The following FKBP5 variants were observed in gnomAD, a reference collection of about 807,000 sequenced individuals.
The protein encoded by FKBP5 is peptidyl-prolyl cis-trans isomerase FKBP5.
A neutral mutation model predicts 50.5 loss-of-function variants in FKBP5; 23 were observed. The observed-to-expected ratio is 0.46, with a 90% CI of 0.33 to 0.65. FKBP5 has a LOEUF of 0.65. Ranked by LOEUF, FKBP5 falls within the 30% of genes least tolerant of loss-of-function variation. FKBP5 has a pLI of 0.02. For missense variants in FKBP5, 411 were observed against 553.1 expected (o/e 0.74, Z 2.58); for synonymous variants, 176 against 190.6 (o/e 0.92, Z 0.63).
At chr6:35,637,267 T>C (rs1387048689) in intron 2 of FKBP5, 109 bp from the exon 3 acceptor site, 2 of 916,164 alleles carry the variant, frequency 2.2e-6, no homozygotes, top group Non-Finnish European at 3.3e-6. Context: ...TATGCAAATA[T>C]ACTATTATCC....
At chr6:35,654,556 AC>A (rs1764896550) in intron 1 of FKBP5, among the ~76,000 whole-genome samples, 2 of 152,132 alleles carry the variant, frequency 1.3e-5, no homozygotes, top group South Asian at 4.1e-4. Flanking sequence ...CTGCTGTTTT[AC>A]CCCCTGAAGC....
At chr6:35,609,573 TTTTC>T (rs1302154723) in intron 5 of FKBP5, among the ~76,000 whole-genome samples, 1 of 152,184 alleles carries the variant, frequency 6.6e-6, no homozygotes, top group Non-Finnish European at 1.5e-5. Flanking sequence ...TTAAGAATCT[TTTTC>T]TTTTATTCCC....
Position 35,685,756 on chromosome 6 carries a change from TG to T in FKBP5, c.-20+3047del, listed in dbSNP as rs529601141. Reference sequence around the variant, plus strand: ...CAGCACTTTGGGAGGCTGAGGCGGGTGGATCACCTGAGGTCAGGAGTTCGAG... The same window carrying T: ...CAGCACTTTGGGAGGCTGAGGCGGGTGATCACCTGAGGTCAGGAGTTCGAG... On this transcript the variant is annotated intron_variant, in intron 1 of 10. Transcript: ENST00000357266. Among the ~76,000 whole-genome samples the T allele has an allele frequency of 3.3e-3, 500 of 151,858 alleles. 5 individuals are homozygous for T. Among genetic ancestry groups the T allele is most frequent in the African/African-American group, 0.011 (445 of 41,436 alleles).
chr6:35,621,599 C>A (rs1279154057), intron 3 of FKBP5, among the ~76,000 whole-genome samples: 15 of 142,210 alleles, frequency 1.1e-4, no homozygotes, highest in African/African-American at 3.7e-4. Context: ...GCCTGGGCGA[C>A]ACAGCAAGAC....
chr6:35,718,464 C>T (rs1766551310), intron 2 of FKBP5, among the ~76,000 whole-genome samples: 2 of 152,184 alleles, frequency 1.3e-5, no homozygotes, highest in Admixed American at 1.3e-4. Context: ...CCTTTGCTTT[C>T]TTATCCCCAT....
chr6:35,724,393 A>G (rs1446527730), intron 1 of FKBP5, among the ~76,000 whole-genome samples: 1 of 152,218 alleles, frequency 6.6e-6, no homozygotes, highest in African/African-American at 2.4e-5. Context: ...GCTAGTATCC[A>G]GATTTCAGCC....
intron 2 of FKBP5, among the ~76,000 whole-genome samples, chr6:35,639,159 A>T (rs1764408000): frequency 6.6e-6 from 1 of 152,204 alleles, no homozygotes; most frequent in Admixed American, 6.5e-5. Flanking sequence ...AAAAATACGT[A>T]ATAGTTAATA....
intron 2 of FKBP5, among the ~76,000 whole-genome samples, chr6:35,699,589 GTCCATACTTTCC>G: frequency 6.6e-6 from 1 of 152,102 alleles, no homozygotes; most frequent in East Asian, 1.9e-4. Flanking sequence ...TGAGCTTGAC[GTCCATACTTTCC>G]TCATCTAAAT....
In FKBP5 at chr6:35,575,877, G is replaced by A. The variant is rs779949354; in HGVS notation, c.1332C>T (p.Asp444=). The A allele has an allele frequency of 6.2e-7, 1 of 1,614,012 alleles. No individual in the cohort carries two copies. The highest frequency in any genetic ancestry group is 2.2e-5 in the East Asian group (1 of 44,882). Residue 444 remains aspartate (D), a synonymous_variant, in exon 11 of 11, where the codon GAC becomes GAT. Transcript: ENST00000357266. The part of the protein sequence containing the change: ...SEGVTNEKGT[D]SQAMEEEKPE... ...GTTTCTCTTCTTCCATTGCTTGACTGTCTGTTCCTTTTTCATTAGTGACCC... is the reference window on the plus strand; with the variant it reads ...GTTTCTCTTCTTCCATTGCTTGACTATCTGTTCCTTTTTCATTAGTGACCC...
At chr6:35,686,532 G>A (rs1474484916) in intron 1 of FKBP5, among the ~76,000 whole-genome samples, 1 of 152,016 alleles carries the variant, frequency 6.6e-6, no homozygotes, top group Non-Finnish European at 1.5e-5. Flanking sequence ...AAAAAATAAT[G>A]GAAGCTACAG....
chr6:35,584,942 G>C, intron 8 of FKBP5: 3 of 985,416 alleles, frequency 3.0e-6, no homozygotes, highest in Non-Finnish European at 3.6e-6. Context: ...GACACTCATT[G>C]CTTTCTGCTA....
rs1328685480 is a variant in FKBP5 at position 35,688,430 on chromosome 6, G to C, written c.-20+374C>G. Among the ~76,000 whole-genome samples the C allele has an allele frequency of 6.6e-5, 10 of 152,138 alleles. No individual in the cohort carries two copies. In the South Asian group the frequency reaches 1.7e-3, roughly 25 times the overall value. ...AGAGACCGGAGGCGGAGCGGGACCT[G>C]TCATCCCGGGCGGGAAACAAAAGCC... On this transcript the variant is annotated intron_variant, in intron 1 of 10. Transcript: ENST00000357266.
chr6:35,618,945 C>T (rs1763740618), intron 5 of FKBP5, 151 bp downstream of exon 5: 1 of 585,048 alleles, frequency 1.7e-6, no homozygotes, highest in Admixed American at 3.0e-5. Context: ...ATCCACCCGC[C>T]TCGACCTCCC....
chr6:35,625,466 G>A (rs1031684747), intron 3 of FKBP5, among the ~76,000 whole-genome samples: 2 of 151,840 alleles, frequency 1.3e-5, no homozygotes, highest in Non-Finnish European at 2.9e-5. Flanking sequence ...GGCCGGTGCA[G>A]TGGCTCACGC....
chr6:35,609,081 C>T (rs1251457429), intron 5 of FKBP5, among the ~76,000 whole-genome samples: 1 of 152,138 alleles, frequency 6.6e-6, no homozygotes, highest in African/African-American at 2.4e-5. Flanking sequence ...GCCACTGTGC[C>T]CAGGCCAGAC....
At chr6:35,676,122 T>C (rs1561889805) in intron 1 of FKBP5, among the ~76,000 whole-genome samples, 1 of 152,100 alleles carries the variant, frequency 6.6e-6, no homozygotes, top group Non-Finnish European at 1.5e-5. Context: ...CGTCATAGTG[T>C]AAAGCAAATA....
chr6:35,718,024 G>A (rs901633811), intron 2 of FKBP5, among the ~76,000 whole-genome samples: 2 of 152,216 alleles, frequency 1.3e-5, no homozygotes. Context: ...GGAAGGCTGT[G>A]CCCTAGGATG....
Position 35,619,114 on chromosome 6 carries a change from C to T in FKBP5, c.490G>A (p.Glu164Lys), listed in dbSNP as rs151082461. ...RKGEGYSNPN[E>K]GATVEIHLEG... ...TACTTACTTTCTACTGTTGCTCCTT[C>T]GTTTGGATTTGAATATCCCTCTCCT... is the stretch of plus-strand genomic sequence containing the variant. The change falls in exon 5 of 11, where the codon GAA (glutamate) becomes AAA (lysine). Residue 164 changes from glutamate to lysine, a missense_variant. By Grantham distance (56) the Glu-to-Lys change is moderately conservative (BLOSUM62 1). This residue lies in a region of FKBP5 where 267 missense variants were observed against 405.9 expected (regional missense o/e 0.66). Coordinates refer to ENST00000357266, the MANE Select transcript of FKBP5 (RefSeq NM_004117.4). The T allele has an allele frequency of 1.8e-5, 29 of 1,612,602 alleles. No individual in the cohort carries two copies. Among genetic ancestry groups the T allele is most frequent in the Non-Finnish European group, 2.3e-5 (27 of 1,178,702 alleles).
chr6:35,605,311 A>G (rs750548795), intron 5 of FKBP5, among the ~76,000 whole-genome samples: 2 of 151,570 alleles, frequency 1.3e-5, no homozygotes, highest in African/African-American at 2.4e-5. Flanking sequence ...TCCCTTCATT[A>G]TAAAAAACCC....
Sources: gnomAD v4.1 joint callset for allele counts (sites outside exome capture counted in the v4.1 genomes callset) on GRCh38, gnomAD v4.1.1 for gene constraint, gnomAD v4.1.1 regional missense constraint, MANE v1.5 for transcripts, NCBI Gene and HGNC (gene_info 2026-07-23, HGNC 2026-07-21) for gene names.